ZNF93: variants seen among roughly 807,000 people sequenced by gnomAD.
ZNF93 encodes the protein zinc finger protein 93, also known as zinc finger protein 505.
ZNF93 carries 29 observed loss-of-function variants against 45.0 expected under a neutral mutation model. The observed-to-expected ratio is 0.64, with a 90% CI of 0.48 to 0.88. The LOEUF (loss-of-function observed/expected upper bound fraction) is 0.88. Ranked by LOEUF, ZNF93 falls within the 40% of genes least tolerant of loss-of-function variation. The pLI is 0.00. For synonymous variants in ZNF93, 223 were observed against 244.6 expected, an observed-to-expected ratio of 0.91 and a Z score of 0.82; for missense variants, 578 against 724.0, an observed-to-expected ratio of 0.80 and a Z score of 2.31.
At chr19:19,927,701 ATGTTTAT>A (rs1245064199) in intron 3 of ZNF93, among the ~76,000 whole-genome samples, 1 of 152,230 alleles carries the variant, frequency 6.6e-6, no homozygotes, top group Non-Finnish European at 1.5e-5. Flanking sequence ...ATTTTTTAAT[ATGTTTAT>A]AAGTCAAGAG....
In ZNF93 at chr19:19,933,915, A is replaced by C. The variant is rs755580649; in HGVS notation, c.960A>C (p.Lys320Asn). The C allele has an allele frequency of 6.8e-6, 11 of 1,613,010 alleles. No homozygotes were observed. The African/African-American group carries it at 1.3e-4, about 20-fold the overall frequency. Residue 320 changes from lysine to asparagine, a missense_variant, in exon 4 of 4, where the codon AAA becomes AAC. Around this residue, in one of 3 missense-constraint regions of ZNF93, gnomAD observed 446 missense variants for 547.6 expected, o/e 0.81. Coordinates refer to ENST00000343769, the MANE Select transcript of ZNF93 (RefSeq NM_031218.4). Reference protein sequence around the residue: ...EKPYVCEECGKAFKYSRILTT... With the variant: ...EKPYVCEECGNAFKYSRILTT... ...CCTACGTTTGTGAAGAATGTGGCAAAGCCTTTAAGTACTCCCGTATCCTTA... is the reference window on the plus strand; with the variant it reads ...CCTACGTTTGTGAAGAATGTGGCAACGCCTTTAAGTACTCCCGTATCCTTA...
chr19:19,904,968 G>GT (rs1462387473), intron 1 of ZNF93, among the ~76,000 whole-genome samples: 4 of 151,036 alleles, frequency 2.6e-5, no homozygotes, highest in East Asian at 2.0e-4. Flanking sequence ...TTTGATCTGT[G>GT]TTTTTTTCAA....
intron 3 of ZNF93, among the ~76,000 whole-genome samples, chr19:19,920,162 G>A (rs981422530): frequency 1.6e-4 from 24 of 152,214 alleles, no homozygotes; most frequent in Middle Eastern, 3.4e-3. Context: ...TAGCATGAAG[G>A]GCTGTTGAAT....
intron 3 of ZNF93, among the ~76,000 whole-genome samples, chr19:19,918,688 T>G (rs1444173798): frequency 6.6e-6 from 1 of 152,220 alleles, no homozygotes; most frequent in Non-Finnish European, 1.5e-5. Context: ...TGATTTGCAT[T>G]TCTCTGATGG....
At chr19:19,929,902 C>T (rs2063367713) in intron 3 of ZNF93, among the ~76,000 whole-genome samples, 1 of 132,378 alleles carries the variant, frequency 7.6e-6, no homozygotes, top group East Asian at 2.4e-4. Flanking sequence ...CGCGCCACTG[C>T]ACTCCAGCCT....
At chr19:19,912,461 C>A (rs1294025097) in intron 1 of ZNF93, among the ~76,000 whole-genome samples, 1 of 149,502 alleles carries the variant, frequency 6.7e-6, no homozygotes, top group East Asian at 2.0e-4. Flanking sequence ...TCCTGAAATT[C>A]AAAAGCAGAT....
chr19:19,922,917 T>C (rs530529489), intron 3 of ZNF93, among the ~76,000 whole-genome samples: 30 of 152,332 alleles, frequency 2.0e-4, no homozygotes, highest in African/African-American at 7.0e-4. Context: ...TTTGATCGTC[T>C]GAAGCCTTCT....
intron 3 of ZNF93, among the ~76,000 whole-genome samples, chr19:19,925,302 C>T (rs2063353204): frequency 6.6e-6 from 1 of 152,166 alleles, no homozygotes; most frequent in Non-Finnish European, 1.5e-5. Flanking sequence ...TTGGAGATGT[C>T]ATCTTGCTAC....
At chr19:19,930,114 A>T (rs1002696023) in intron 3 of ZNF93, among the ~76,000 whole-genome samples, 41 of 152,076 alleles carry the variant, frequency 2.7e-4, no homozygotes, top group African/African-American at 9.9e-4. Context: ...CAGGGTAAAG[A>T]GTGTGAGTCA....
At chr19:19,917,807 C>T (rs1219064024) in intron 3 of ZNF93, among the ~76,000 whole-genome samples, 11 of 152,210 alleles carry the variant, frequency 7.2e-5, no homozygotes, top group Middle Eastern at 3.4e-3. Flanking sequence ...TGAGCCACCA[C>T]GCCTAGCTAG....
At chr19:19,928,246 C>G (rs2063362016) in intron 3 of ZNF93, among the ~76,000 whole-genome samples, 1 of 152,108 alleles carries the variant, frequency 6.6e-6, no homozygotes, top group Non-Finnish European at 1.5e-5. Context: ...ATCATTTGAT[C>G]ATATACAAAA....
chr19:19,934,812 A>G lies in ZNF93; in HGVS notation c.1857A>G (p.Lys619=), dbSNP rs2063388114. ...SRHEIIHTGE[K]P ...ATGAGATAATTCATACTGGGGAGAA[A>G]CCCTAGAAGTGTGAAGAATGTGGCA... Residue 619 remains lysine, a synonymous_variant, in exon 4 of 4, where the codon AAA becomes AAG. Coordinates refer to ENST00000343769, the MANE Select transcript of ZNF93 (RefSeq NM_031218.4). The G allele has an allele frequency of 6.3e-7, 1 of 1,592,270 alleles. No individual in the cohort carries two copies. The highest frequency in any genetic ancestry group is 8.5e-7 in the Non-Finnish European group (1 of 1,170,730).
intron 3 of ZNF93, among the ~76,000 whole-genome samples, chr19:19,927,667 T>C (rs554401452): frequency 1.8e-4 from 27 of 152,364 alleles, no homozygotes; most frequent in African/African-American, 6.0e-4. Context: ...GGTGGAATAA[T>C]ATTCCATTGT....
chr19:19,914,923 T>C (rs2063319002), intron 1 of ZNF93: 1 of 319,472 alleles, frequency 3.1e-6, no homozygotes, highest in Non-Finnish European at 6.0e-6. Context: ...ATATTAAAAT[T>C]TGAGAGGTGA....
chr19:19,920,432 G>A (rs909078148), intron 3 of ZNF93, among the ~76,000 whole-genome samples: 1 of 152,158 alleles, frequency 6.6e-6, no homozygotes, highest in Non-Finnish European at 1.5e-5. Context: ...GTCTCTGCCA[G>A]GCTTTGGTAT....
intron 3 of ZNF93, among the ~76,000 whole-genome samples, chr19:19,925,502 C>T (rs1359491936): frequency 2.0e-5 from 3 of 152,178 alleles, no homozygotes; most frequent in Non-Finnish European, 4.4e-5. Flanking sequence ...TTTCATCTTA[C>T]TGATGTCACT....
At chr19:19,917,793 G>A (rs2063328857) in intron 3 of ZNF93, among the ~76,000 whole-genome samples, 1 of 152,128 alleles carries the variant, frequency 6.6e-6, no homozygotes, top group Non-Finnish European at 1.5e-5. Flanking sequence ...TGGGATTACA[G>A]GCATGAGCCA....
At position 19,935,080 on chromosome 19, in the gene ZNF93, T is replaced by G; in HGVS notation, c.*262T>G. On this transcript the variant is annotated 3_prime_UTR_variant, in exon 4 of 4. Transcript: ENST00000343769. ...GCCACAGCTTAAGGTCAGTTCTGCC[T>G]ATATAGAAACCCACACAGTTAACCT... 2.2e-6 allele frequency: 1 copy of G among 446,426 alleles called. No individual in the cohort carries two copies. Among genetic ancestry groups the G allele is most frequent in the Non-Finnish European group, 4.0e-6 (1 of 252,740 alleles). The allele number at this position is 446,426 out of a possible 1,614,324, so 27.7% of individuals were successfully genotyped here. A position where few individuals can be genotyped will look rare whatever the true frequency, so the allele number is the denominator to read the frequency against.
intron 3 of ZNF93, among the ~76,000 whole-genome samples, chr19:19,929,068 T>C (rs1599573158): frequency 6.6e-6 from 1 of 152,172 alleles, no homozygotes; most frequent in Non-Finnish European, 1.5e-5. Context: ...AATGGCTTGG[T>C]ACATCCTCTC....
Sources: allele counts gnomAD v4.1 joint callset (sites outside exome capture counted in the v4.1 genomes callset), GRCh38; gene constraint gnomAD v4.1.1; regional missense constraint gnomAD v4.1.1; transcripts MANE v1.5; gene names NCBI Gene and HGNC (gene_info 2026-07-23, HGNC 2026-07-21).